The following BFSP2 variants were observed in gnomAD, a reference collection of about 807,000 sequenced individuals.
BFSP2 encodes beaded filament structural protein 2, also known as phakinin.
Under a neutral mutation model 44.9 loss-of-function variants are expected in BFSP2, and 38 were observed. That is an observed-to-expected ratio of 0.85 (90% CI 0.65 to 1.11). The LOEUF (loss-of-function observed/expected upper bound fraction) is 1.11, where lower values mean the gene tolerates loss of function less well. Ranked by LOEUF, BFSP2 falls within the 50% of genes least tolerant of loss-of-function variation. The probability of loss-of-function intolerance (pLI) is 0.00; values close to 1 mark genes in which losing one functional copy is unlikely to be tolerated. For missense variants in BFSP2, 525 were observed against 533.0 expected (o/e 0.99, Z 0.15); for synonymous variants, 197 against 209.9 (o/e 0.94, Z 0.53).
Position 133,475,130 on chromosome 3 carries a change from C to T in BFSP2, c.*158C>T. The T allele has an allele frequency of 1.0e-6, 1 of 986,418 alleles. No homozygotes were observed. The allele number at this position is 986,418 out of a possible 1,614,324, so 61.1% of individuals were successfully genotyped here. On this transcript the variant is annotated 3_prime_UTR_variant, in exon 7 of 7. Transcript: ENST00000302334. ...CTTCCTGGAAGTGGAGAGGATCCTT[C>T]TGCTTTAATCTGAGTAGTCTGTAGC...
At chr3:133,415,980 CTCACCCCTGCCCTCTCCCTTCTAT>C (rs1414955063) in intron 1 of BFSP2, among the ~76,000 whole-genome samples, 2 of 141,008 alleles carry the variant, frequency 1.4e-5, no homozygotes, top group Admixed American at 7.0e-5. Flanking sequence ...CACCCGTCTA[CTCACCCCTGCCCTCTCCCTTCTAT>C]TCACCCCGTC....
chr3:133,432,021 C>CATCT (rs201966737), intron 1 of BFSP2, among the ~76,000 whole-genome samples: 3,540 of 152,060 alleles, frequency 0.023, 134 homozygotes, highest in African/African-American at 0.08. Context: ...AAGTATGGAA[C>CATCT]ATCTCTACTC....
intron 1 of BFSP2, among the ~76,000 whole-genome samples, chr3:133,414,916 CCCTGT>C (rs1388018411): frequency 3.5e-5 from 4 of 114,530 alleles, no homozygotes; most frequent in Non-Finnish European, 5.5e-5. Flanking sequence ...CTCACTCCTG[CCCTGT>C]CCCCTCTGCT....
intron 3 of BFSP2, 50 bp downstream of exon 3, chr3:133,448,695 A>T (rs2073927368): frequency 6.2e-7 from 1 of 1,601,728 alleles, no homozygotes; most frequent in Admixed American, 1.7e-5. Flanking sequence ...AGAAGTTCAC[A>T]TCTGTCTGCC....
chr3:133,457,097 C>T (rs2074019208), intron 4 of BFSP2, among the ~76,000 whole-genome samples: 1 of 152,194 alleles, frequency 6.6e-6, no homozygotes, highest in Non-Finnish European at 1.5e-5. Context: ...TGTGCTATTG[C>T]CATGTTAACC....
Position 133,472,576 on chromosome 3 carries a change from C to T in BFSP2, c.1244+11C>T, listed in dbSNP as rs974845003. 1.2e-6 allele frequency: 2 copies of T among 1,609,712 alleles called. No individual in the cohort carries two copies. On this transcript the variant is annotated intron_variant, in intron 6 of 6. Coordinates refer to ENST00000302334, the MANE Select transcript of BFSP2 (RefSeq NM_003571.4). ...CAGGGAGGAGAGCGGGTAAGCCTCG[C>T]TTCCGCGTCAATTATCCAAGAGATG...
intron 1 of BFSP2, among the ~76,000 whole-genome samples, chr3:133,435,139 A>C (rs372405159): frequency 6.6e-6 from 1 of 152,234 alleles, no homozygotes; most frequent in African/African-American, 2.4e-5. Context: ...TGGACGCCTA[A>C]TGATTTTCTA....
In BFSP2 at chr3:133,466,823, C is replaced by A. The variant is rs1343361661; in HGVS notation, c.892-5C>A. 3 of 1,613,228 alleles carry A rather than the reference C, an allele frequency of 1.9e-6. No individual in the cohort carries two copies. The African/African-American group carries it at 4.0e-5, about 22-fold the overall frequency. On this transcript the variant is annotated splice_region_variant and splice_polypyrimidine_tract_variant and intron_variant, in intron 4 of 6. Coordinates refer to ENST00000302334, the MANE Select transcript of BFSP2 (RefSeq NM_003571.4). Reference sequence around the variant, plus strand: ...CCGCTCACACTGAGACCTGACTCTCCACAGCAACAGGCGGAGGTGGCCCAC... The same window carrying A: ...CCGCTCACACTGAGACCTGACTCTCAACAGCAACAGGCGGAGGTGGCCCAC...
chr3:133,453,948 A>C (rs1032521298), intron 4 of BFSP2, among the ~76,000 whole-genome samples: 4 of 152,208 alleles, frequency 2.6e-5, no homozygotes, highest in African/African-American at 9.7e-5. Flanking sequence ...CAGGAACCTC[A>C]TGGTCCAGTT....
At chr3:133,445,697 A>G (rs2073890829) in intron 1 of BFSP2, 1 of 152,152 alleles carries the variant, frequency 6.6e-6, no homozygotes, top group Admixed American at 6.5e-5. Flanking sequence ...TAGCATTTCC[A>G]TTGTATTGGG....
chr3:133,446,857 G>A (rs1010231410), intron 1 of BFSP2, among the ~76,000 whole-genome samples: 1 of 151,528 alleles, frequency 6.6e-6, no homozygotes, highest in Non-Finnish European at 1.5e-5. Flanking sequence ...CCACCATGCT[G>A]GACAGTGCAG....
chr3:133,414,113 C>G (rs1439006772), intron 1 of BFSP2, among the ~76,000 whole-genome samples: 1 of 128,740 alleles, frequency 7.8e-6, no homozygotes, highest in East Asian at 2.5e-4. Flanking sequence ...CATCCTCTCC[C>G]CTCTACTCAC....
intron 1 of BFSP2, among the ~76,000 whole-genome samples, chr3:133,422,793 A>AAT: frequency 8.4e-5 from 1 of 11,938 alleles, no homozygotes; most frequent in Non-Finnish European, 2.2e-4. Context: ...GGTGTTGCCA[A>AAT]ATAGCAGGGT....
intron 4 of BFSP2, among the ~76,000 whole-genome samples, chr3:133,459,832 C>T (rs112064980): frequency 9.2e-5 from 14 of 152,300 alleles, no homozygotes; most frequent in African/African-American, 3.1e-4. Flanking sequence ...GTTATAATAA[C>T]GATAGCTGAT....
chr3:133,420,108 C>T (rs2073578930), intron 1 of BFSP2, among the ~76,000 whole-genome samples: 1 of 152,198 alleles, frequency 6.6e-6, no homozygotes, highest in African/African-American at 2.4e-5. Flanking sequence ...GCCAAAGACC[C>T]CTGAGCACAT....
chr3:133,473,152 C>T (rs996178861), intron 6 of BFSP2, among the ~76,000 whole-genome samples: 2 of 151,990 alleles, frequency 1.3e-5, no homozygotes, highest in Admixed American at 1.3e-4. Flanking sequence ...GTCTGAGAGT[C>T]TTCCTTTCTA....
At chr3:133,461,246 C>T (rs1470091675) in intron 4 of BFSP2, among the ~76,000 whole-genome samples, 1 of 152,192 alleles carries the variant, frequency 6.6e-6, no homozygotes, top group Admixed American at 6.5e-5. Context: ...TTAATTATTA[C>T]TTACTTAGAA....
At chr3:133,459,258 T>C (rs552503648) in intron 4 of BFSP2, among the ~76,000 whole-genome samples, 2 of 152,162 alleles carry the variant, frequency 1.3e-5, no homozygotes, top group East Asian at 3.9e-4. Context: ...GCAGGAGAAC[T>C]GCTCGAACTC....
intron 1 of BFSP2, chr3:133,412,609 G>C (rs535816147): frequency 6.6e-6 from 1 of 152,268 alleles, no homozygotes; most frequent in East Asian, 1.9e-4. Flanking sequence ...GGTGGGAGCC[G>C]GGCATGGCGT....
Sources: gnomAD v4.1 joint callset for allele counts (sites outside exome capture counted in the v4.1 genomes callset) on GRCh38, gnomAD v4.1.1 for gene constraint, MANE v1.5 for transcripts, NCBI Gene and HGNC (gene_info 2026-07-23, HGNC 2026-07-21) for gene names.